TBCD: variants seen among roughly 807,000 people sequenced by gnomAD.
The protein encoded by TBCD is tubulin-specific chaperone D.
Under a neutral mutation model 169.3 loss-of-function variants are expected in TBCD, and 105 were observed. That is an observed-to-expected ratio of 0.62 (90% confidence interval 0.53 to 0.73). The LOEUF (loss-of-function observed/expected upper bound fraction) is 0.73, where lower values mean the gene tolerates loss of function less well. Ranked by LOEUF, TBCD falls within the 30% of genes least tolerant of loss-of-function variation. The pLI, the probability that TBCD is intolerant of heterozygous loss-of-function variation, is 0.00. For synonymous variants in TBCD, 700 were observed against 643.9 expected (o/e 1.09, Z -1.32); for missense variants, 1,444 against 1,600.1 (o/e 0.90, Z 1.66).
intron 13 of TBCD, among the ~76,000 whole-genome samples, chr17:82,818,491 G>A (rs531102144): frequency 1.9e-4 from 29 of 152,322 alleles, no homozygotes; most frequent in Admixed American, 1.6e-3. Flanking sequence ...TGGGAGCCAC[G>A]TGTGGTGGCG....
rs572322396 is a variant in TBCD, at chr17:82,910,865, T to TC, written c.2007-891dup. On this transcript the variant is annotated intron_variant, in intron 22 of 38. Transcript: ENST00000355528. ...ACAGGCTGAGCCACCGCGCCCAGCC[T>TC]CCTAGTGGCTTTTTACTGGGACTTG... 1.1e-4 allele frequency among the ~76,000 whole-genome samples: 17 copies of TC among 152,302 alleles called. No individual in the cohort carries two copies. In the South Asian group the frequency reaches 2.9e-3, roughly 26 times the overall value.
At chr17:82,811,260 C>G (rs1032034387) in intron 12 of TBCD, among the ~76,000 whole-genome samples, 13 of 152,234 alleles carry the variant, frequency 8.5e-5, no homozygotes, top group African/African-American at 2.9e-4. Flanking sequence ...GACTTTGCCT[C>G]TCTCCTCCAG....
intron 17 of TBCD, 119 bp from the exon 18 acceptor site, chr17:82,900,532 T>C (rs2059816384): frequency 2.7e-6 from 2 of 750,612 alleles, no homozygotes; most frequent in South Asian, 3.2e-5. Context: ...CTGGATCACG[T>C]GGTAGATTTG....
intron 29 of TBCD, 61 bp downstream of exon 29, chr17:82,927,384 C>T (rs531930048): frequency 2.1e-5 from 32 of 1,558,534 alleles, no homozygotes; most frequent in Admixed American, 9.8e-5. Flanking sequence ...CGTGGAAACT[C>T]GGAGGCCCCG....
In TBCD at chr17:82,903,335, C is replaced by A. The variant is rs577045302; in HGVS notation, c.1731-70C>A. The A allele has an allele frequency of 2.8e-6, 4 of 1,452,194 alleles. No individual in the cohort carries two copies. The African/African-American group carries it at 4.2e-5, about 15-fold the overall frequency. The allele number at this position is 1,452,194 out of a possible 1,614,324, so 90.0% of individuals were successfully genotyped here. On this transcript the variant is annotated intron_variant, in intron 18 of 38. Coordinates refer to ENST00000355528, the MANE Select transcript of TBCD (RefSeq NM_005993.5). The surrounding 1 kb of genome is among the most constrained non-coding windows in gnomAD (Gnocchi z 4.8). ...ACTCGTGTGTTGTCTCCCTCACTTTCTTTTTATGAATTGAATAAAGCTAGA... is the reference window on the plus strand; with the variant it reads ...ACTCGTGTGTTGTCTCCCTCACTTTATTTTTATGAATTGAATAAAGCTAGA...
intron 6 of TBCD, among the ~76,000 whole-genome samples, chr17:82,773,841 C>T (rs1046379777): frequency 6.6e-6 from 1 of 151,872 alleles, no homozygotes; most frequent in Admixed American, 6.6e-5. Context: ...ATTCTCCTGC[C>T]TCAGCCTCCC....
chr17:82,917,678 C>T (rs1440107393), intron 23 of TBCD, among the ~76,000 whole-genome samples: 1 of 152,212 alleles, frequency 6.6e-6, no homozygotes, highest in Non-Finnish European at 1.5e-5. Flanking sequence ...AGGAGGGGTC[C>T]GTGCTGGGCT....
chr17:82,763,262 TC>T (rs1355128014), intron 2 of TBCD, among the ~76,000 whole-genome samples: 2 of 152,196 alleles, frequency 1.3e-5, no homozygotes, highest in African/African-American at 4.8e-5. Flanking sequence ...GATGAATTGA[TC>T]CTTTTATTAT....
intron 13 of TBCD, among the ~76,000 whole-genome samples, chr17:82,817,654 C>T (rs1000140332): frequency 2.0e-5 from 3 of 152,076 alleles, no homozygotes; most frequent in South Asian, 2.1e-4. Flanking sequence ...ACTATGTGGC[C>T]CAGGCTCGTC....
At chr17:82,756,017 C>G (rs1395404658) in intron 1 of TBCD, 148 bp from the exon 2 acceptor site, 4 of 717,532 alleles carry the variant, frequency 5.6e-6, no homozygotes, top group Non-Finnish European at 9.6e-6. Context: ...TGTGTGGCCT[C>G]CTTTAGTGAG....
chr17:82,809,661 C>T lies in TBCD; in HGVS notation c.1149-47C>T, dbSNP rs779535765. The T allele has an allele frequency of 1.8e-5, 28 of 1,591,012 alleles. 1 individual carries two copies. In the South Asian group the frequency reaches 1.9e-4, roughly 11 times the overall value. On this transcript the variant is annotated intron_variant, in intron 11 of 38. Coordinates refer to ENST00000355528, the MANE Select transcript of TBCD (RefSeq NM_005993.5). ...TCACACGTGTCACGCATGCCCTTGG[C>T]GACAGGCTGGTGGTGCCCCTGACGG...
chr17:82,932,821 A>C, intron 34 of TBCD, 86 bp downstream of exon 34: 2 of 1,373,102 alleles, frequency 1.5e-6, no homozygotes, highest in South Asian at 2.5e-5. Flanking sequence ...CACAGAGATC[A>C]GAATTCCAGG....
intron 17 of TBCD, among the ~76,000 whole-genome samples, chr17:82,898,942 C>T (rs1260936396): frequency 1.3e-5 from 2 of 152,382 alleles, no homozygotes; most frequent in East Asian, 1.9e-4. Context: ...GTGGAGCTCC[C>T]ACCACTTCCA....
intron 13 of TBCD, among the ~76,000 whole-genome samples, chr17:82,819,206 A>G (rs2052194557): frequency 6.6e-6 from 1 of 152,250 alleles, no homozygotes; most frequent in South Asian, 2.1e-4. Flanking sequence ...AAGGAGGAAG[A>G]AGTAAAACTA....
rs1568047022 is a variant in TBCD, at chr17:82,921,517, G to C, written c.2118G>C (p.Leu706=). Residue 706 remains leucine, a synonymous_variant, in exon 25 of 39, where the codon CTG becomes CTC. Coordinates refer to ENST00000355528, the MANE Select transcript of TBCD (RefSeq NM_005993.5). ...GDTVIDGWQW[L]INDTLRHLHL... Reference sequence around the variant, plus strand: ...TTTTGACAGATGGTTGGCAATGGCTGATAAATGACACTTTGAGACATCTCC... The same window carrying C: ...TTTTGACAGATGGTTGGCAATGGCTCATAAATGACACTTTGAGACATCTCC... The C allele has an allele frequency of 6.2e-7, 1 of 1,614,056 alleles. No individual in the cohort carries two copies. Among genetic ancestry groups the C allele is most frequent in the Non-Finnish European group, 8.5e-7 (1 of 1,179,894 alleles).
intron 2 of TBCD, among the ~76,000 whole-genome samples, chr17:82,760,407 G>T (rs1374974528): frequency 1.3e-5 from 2 of 152,104 alleles, no homozygotes; most frequent in African/African-American, 2.4e-5. Context: ...CACATCTTTT[G>T]TGTTCCTCAG....
intron 9 of TBCD, among the ~76,000 whole-genome samples, chr17:82,801,832 G>A (rs2050581736): frequency 6.9e-6 from 1 of 144,000 alleles, no homozygotes; most frequent in African/African-American, 2.6e-5. Context: ...GGCGGCGTGT[G>A]CGTCGTGTGG....
intron 18 of TBCD, among the ~76,000 whole-genome samples, chr17:82,901,630 C>G (rs2146682794): frequency 6.7e-6 from 1 of 149,306 alleles, no homozygotes; most frequent in African/African-American, 2.5e-5. Context: ...GGTCCTGCTT[C>G]CTGGGGAGCG....
chr17:82,936,143 C>T (rs73368933), intron 34 of TBCD, among the ~76,000 whole-genome samples: 6,318 of 152,304 alleles, frequency 0.041, 179 homozygotes, highest in South Asian at 0.094. Flanking sequence ...ATCACGCTCA[C>T]GTGTTTCCCT....
Sources: allele counts gnomAD v4.1 joint callset (sites outside exome capture counted in the v4.1 genomes callset), GRCh38; gene constraint gnomAD v4.1.1; non-coding constraint Gnocchi (gnomAD v3.1); transcripts MANE v1.5; gene names NCBI Gene and HGNC (gene_info 2026-07-23, HGNC 2026-07-21).